Variants in NCK1 observed in about 807,000 individuals in gnomAD.
NCK1 encodes the protein NCK adaptor protein 1, also known as SH2/SH3 adapter protein NCK1.
Under a neutral mutation model 36.6 loss-of-function variants are expected in NCK1, and 19 were observed. That is an observed-to-expected ratio of 0.52 (90% CI 0.36 to 0.76). NCK1 has a LOEUF of 0.76. Ranked by LOEUF, NCK1 falls within the 30% of genes least tolerant of loss-of-function variation. NCK1 has a pLI of 0.00. For synonymous variants in NCK1, 165 were observed against 156.0 expected (o/e 1.06, Z -0.43); for missense variants, 358 against 445.6 (o/e 0.80, Z 1.77).
chr3:136,865,103 G>A (rs955526261), intron 1 of NCK1, among the ~76,000 whole-genome samples: 92 of 152,068 alleles, frequency 6.0e-4, no homozygotes, highest in African/African-American at 2.1e-3. Flanking sequence ...GATTACAGGC[G>A]CCTGCCACCA....
At chr3:136,924,645 A>G (rs756404140) in intron 1 of NCK1, among the ~76,000 whole-genome samples, 2 of 152,248 alleles carry the variant, frequency 1.3e-5, no homozygotes, top group Non-Finnish European at 2.9e-5. Context: ...TAATTTTAGT[A>G]TAATTGACTT....
At chr3:136,897,685 C>CT (rs34484068) in intron 1 of NCK1, among the ~76,000 whole-genome samples, 1 of 152,052 alleles carries the variant, frequency 6.6e-6, no homozygotes, top group Admixed American at 6.6e-5. Flanking sequence ...TCTCTTCACC[C>CT]TTTTTTTAGA....
At chr3:136,884,583 G>A (rs1939027287) in intron 1 of NCK1, among the ~76,000 whole-genome samples, 1 of 152,166 alleles carries the variant, frequency 6.6e-6, no homozygotes, top group Admixed American at 6.6e-5. Flanking sequence ...TGGGATTAGA[G>A]GCGTGTGGCA....
intron 1 of NCK1, among the ~76,000 whole-genome samples, chr3:136,867,154 TTCCTTCCTTCCTTCCTTCCTTCCTTC>T (rs1315407063): frequency 8.1e-5 from 5 of 61,436 alleles, no homozygotes; most frequent in Non-Finnish European, 1.4e-4. Context: ...CCTTCCTTCC[TTCCTTCCTTCCTTCCTTCCTTCCTTC>T]TTTCTTTCTT....
chr3:136,895,222 A>G (rs1175796565), intron 1 of NCK1, among the ~76,000 whole-genome samples: 2 of 152,160 alleles, frequency 1.3e-5, no homozygotes, highest in Non-Finnish European at 2.9e-5. Context: ...TTTTCACTTT[A>G]ACGTAGTCAA....
chr3:136,867,266 T>TC (rs397730164), intron 1 of NCK1, among the ~76,000 whole-genome samples: 8 of 121,438 alleles, frequency 6.6e-5, no homozygotes, highest in Non-Finnish European at 1.1e-4. Context: ...TCTCTCTCTC[T>TC]TTCTTTCTTT....
chr3:136,936,424 T>G (rs2108140274), intron 2 of NCK1, among the ~76,000 whole-genome samples: 1 of 152,380 alleles, frequency 6.6e-6, no homozygotes, highest in South Asian at 2.1e-4. Context: ...TGTTTCCATA[T>G]TTTGGTTATT....
At chr3:136,914,681 CCTAATGTGACAA>C (rs1282467995) in intron 1 of NCK1, among the ~76,000 whole-genome samples, 4 of 151,948 alleles carry the variant, frequency 2.6e-5, no homozygotes, top group African/African-American at 7.3e-5. Context: ...TTTTTTGCGC[CCTAATGTGACAA>C]CTAATGTGAC....
intron 1 of NCK1, among the ~76,000 whole-genome samples, chr3:136,893,838 C>G (rs192818365): frequency 6.6e-6 from 1 of 152,180 alleles, no homozygotes; most frequent in Admixed American, 6.5e-5. Flanking sequence ...GCAGGAATTA[C>G]TATTCATCAT....
chr3:136,885,776 C>T (rs927527700), intron 1 of NCK1, among the ~76,000 whole-genome samples: 1 of 152,100 alleles, frequency 6.6e-6, no homozygotes, highest in African/African-American at 2.4e-5. Flanking sequence ...TGAGATAATA[C>T]AGTTAGGCAT....
At chr3:136,904,231 C>T (rs1939622427) in intron 1 of NCK1, among the ~76,000 whole-genome samples, 1 of 152,152 alleles carries the variant, frequency 6.6e-6, no homozygotes, top group Admixed American at 6.5e-5. Flanking sequence ...CAGCTCACTG[C>T]AGCCTCTGCC....
chr3:136,933,745 C>G (rs1478541511), intron 2 of NCK1, among the ~76,000 whole-genome samples: 1 of 152,022 alleles, frequency 6.6e-6, no homozygotes, highest in African/African-American at 2.4e-5. Context: ...TGCTCTGCCA[C>G]CCAGGCTGGA....
intron 1 of NCK1, among the ~76,000 whole-genome samples, chr3:136,915,082 C>T (rs1939924171): frequency 6.6e-6 from 1 of 152,130 alleles, no homozygotes; most frequent in African/African-American, 2.4e-5. Context: ...AACTTTCTAG[C>T]CATGAGAATT....
At position 136,944,111 on chromosome 3, in the gene NCK1, C is replaced by CTTTTT. The variant is rs1560055771; in HGVS notation, c.227-1472_227-1471insTTTTT. Among the ~76,000 whole-genome samples, 376 of 80,884 alleles carry CTTTTT rather than the reference C, an allele frequency of 4.6e-3. 71 individuals are homozygous for CTTTTT. The highest frequency in any genetic ancestry group is 0.02 in the African/African-American group (351 of 17,418). The allele number at this position is 80,884 out of a possible 152,430, so 53.1% of individuals were successfully genotyped here. ...AAAGTCGAGGGAAAAGGAAAAACAACCTTTTTTTTTTTTTTTTTTTTTTTT... is the reference window on the plus strand; with the variant it reads ...AAAGTCGAGGGAAAAGGAAAAACAACTTTTTCTTTTTTTTTTTTTTTTTTTTTTTT... On this transcript the variant is annotated intron_variant, in intron 2 of 3. Coordinates refer to ENST00000481752, the MANE Select transcript of NCK1 (RefSeq NM_001291999.2).
At position 136,926,504 on chromosome 3, in the gene NCK1, T is replaced by C. The variant is rs375256364; in HGVS notation, c.-18-1480T>C. Among the ~76,000 whole-genome samples the C allele has an allele frequency of 9.2e-5, 14 of 152,190 alleles. 1 individual carries two copies. In the East Asian group the frequency reaches 2.7e-3, roughly 29 times the overall value. On this transcript the variant is annotated intron_variant, in intron 1 of 3. Coordinates refer to ENST00000481752, the MANE Select transcript of NCK1 (RefSeq NM_001291999.2). ...GTTAGCCAGGATGGTCTCGATCTCC[T>C]GAACTTGTGATTCACCCGCCTCAGC...
intron 1 of NCK1, among the ~76,000 whole-genome samples, chr3:136,906,040 G>C (rs991007691): frequency 6.6e-6 from 1 of 152,154 alleles, no homozygotes; most frequent in Non-Finnish European, 1.5e-5. Context: ...TGCCTCTGGT[G>C]TAACAGTTGC....
chr3:136,889,691 C>T (rs1037541141), intron 1 of NCK1, among the ~76,000 whole-genome samples: 2 of 152,066 alleles, frequency 1.3e-5, no homozygotes. Context: ...CAAAGTTCTC[C>T]ACCTCCCCAC....
intron 1 of NCK1, among the ~76,000 whole-genome samples, chr3:136,869,609 T>G (rs1300395448): frequency 6.6e-6 from 1 of 152,134 alleles, no homozygotes; most frequent in African/African-American, 2.4e-5. Flanking sequence ...CTTTTATATG[T>G]TTGTTCTTCA....
At chr3:136,943,795 G>A (rs1940737485) in intron 2 of NCK1, among the ~76,000 whole-genome samples, 1 of 152,152 alleles carries the variant, frequency 6.6e-6, no homozygotes, top group Admixed American at 6.5e-5. Flanking sequence ...TAATAACAAG[G>A]TTAGAGGAGC....
Sources: gnomAD v4.1 joint callset for allele counts (sites outside exome capture counted in the v4.1 genomes callset) on GRCh38, gnomAD v4.1.1 for gene constraint, MANE v1.5 for transcripts, NCBI Gene and HGNC (gene_info 2026-07-23, HGNC 2026-07-21) for gene names.